LRRC28: variants seen among roughly 807,000 people sequenced by gnomAD.
The protein encoded by LRRC28 is leucine rich repeat containing 28.
A neutral mutation model predicts 45.7 loss-of-function variants in LRRC28; 39 were observed. The ratio of observed to expected loss-of-function variants is 0.85; its 90% CI spans 0.66 to 1.12. The LOEUF (loss-of-function observed/expected upper bound fraction) is 1.12. Among genes scored for constraint, LRRC28 ranks in the 50% most tolerant of loss-of-function variants. The pLI is 0.00. For missense variants in LRRC28, 435 were observed against 438.5 expected, an observed-to-expected ratio of 0.99 and a Z score of 0.07; for synonymous variants, 206 against 178.8, an observed-to-expected ratio of 1.15 and a Z score of -1.22.
chr15:99,365,743 AT>A (rs953282255), intron 9 of LRRC28, among the ~76,000 whole-genome samples: 1 of 152,250 alleles, frequency 6.6e-6, no homozygotes, highest in African/African-American at 2.4e-5. Context: ...CATATTGAAT[AT>A]TCTTCTAAAA....
At chr15:99,268,468 A>G (rs923497352) in intron 2 of LRRC28, among the ~76,000 whole-genome samples, 17 of 152,056 alleles carry the variant, frequency 1.1e-4, no homozygotes, top group African/African-American at 3.9e-4. Context: ...TTTGCAAGCA[A>G]AAGACTCAAA....
intron 7 of LRRC28, among the ~76,000 whole-genome samples, chr15:99,358,730 AAAG>A (rs1214752026): frequency 3.9e-5 from 6 of 152,200 alleles, no homozygotes; most frequent in Admixed American, 2.0e-4. Context: ...TTGGAAAAAA[AAAG>A]CTATGTCCTA....
chr15:99,265,394 C>T (rs933090387), intron 2 of LRRC28, among the ~76,000 whole-genome samples: 2 of 152,078 alleles, frequency 1.3e-5, no homozygotes, highest in African/African-American at 4.8e-5. Flanking sequence ...CCAAAGTACC[C>T]ATTGATGTTG....
intron 2 of LRRC28, chr15:99,259,767 T>C (rs150979310): frequency 1.5e-6 from 2 of 1,346,320 alleles, no homozygotes; most frequent in Non-Finnish European, 1.1e-6. Flanking sequence ...GTGGTTTTGT[T>C]TGAAACAGCA....
chr15:99,333,922 G>C lies in LRRC28; in HGVS notation c.386-1G>C. ...TATCCTAATTTTGATTTTGGTTGTA[G>C]AGGTTGGCGATTTGAAGGAGCTGCA... On this transcript the variant is annotated splice_acceptor_variant, in intron 5 of 9. Transcript: ENST00000301981. LOFTEE classifies it high-confidence loss of function. 1 of 1,613,922 alleles carries C rather than the reference G, an allele frequency of 6.2e-7. No individual in the cohort carries two copies. The highest frequency in any genetic ancestry group is 8.5e-7 in the Non-Finnish European group (1 of 1,179,870).
chr15:99,274,751 G>A (rs1281739422), intron 2 of LRRC28, among the ~76,000 whole-genome samples: 11 of 152,158 alleles, frequency 7.2e-5, no homozygotes, highest in African/African-American at 1.7e-4. Context: ...AGATTTCTTC[G>A]GGAGTGCTGT....
intron 9 of LRRC28, among the ~76,000 whole-genome samples, chr15:99,369,830 A>G (rs1357288032): frequency 1.3e-5 from 2 of 152,186 alleles, no homozygotes; most frequent in South Asian, 2.1e-4. Context: ...TAGGCCGGTA[A>G]CCCAATGGTT....
chr15:99,284,083 T>C (rs553036351), intron 3 of LRRC28, among the ~76,000 whole-genome samples: 5 of 152,336 alleles, frequency 3.3e-5, no homozygotes, highest in Admixed American at 6.5e-5. Flanking sequence ...TTCTCCATAG[T>C]CACATGGCTA....
In LRRC28 at chr15:99,387,451, C is replaced by T. The variant is rs570947329; in HGVS notation, c.*1349C>T. The T allele has an allele frequency of 6.6e-6, 1 of 152,252 alleles. No homozygotes were observed. The highest frequency in any genetic ancestry group is 1.9e-4 in the East Asian group (1 of 5,174). The allele number at this position is 152,252 out of a possible 1,614,324, so 9.4% of individuals were successfully genotyped here. The stretch of plus-strand genomic sequence containing the variant: ...ACCACACTGTCTTCATGTTGGCCCT[C>T]GTTTCTTGTATACTTAGCTTACTGC... On this transcript the variant is annotated 3_prime_UTR_variant, in exon 10 of 10. Coordinates refer to ENST00000301981, the MANE Select transcript of LRRC28 (RefSeq NM_144598.5).
intron 5 of LRRC28, among the ~76,000 whole-genome samples, chr15:99,309,536 G>A (rs990180243): frequency 1.5e-4 from 23 of 152,152 alleles, no homozygotes; most frequent in Admixed American, 5.2e-4. Flanking sequence ...AGCCTCCTGA[G>A]TAGCTGGGAT....
Position 99,390,244 on chromosome 15 carries a change from C to G in LRRC28, c.*4142C>G, listed in dbSNP as rs574541085. 6.6e-6 allele frequency: 1 copy of G among 152,354 alleles called. No individual in the cohort carries two copies. The highest frequency in any genetic ancestry group is 2.4e-5 in the African/African-American group (1 of 41,580). 9.4% of individuals were successfully genotyped at this position (152,354 alleles called of 1,614,324 possible). On this transcript the variant is annotated 3_prime_UTR_variant, in exon 10 of 10. Coordinates refer to ENST00000301981, the MANE Select transcript of LRRC28 (RefSeq NM_144598.5). ...GAATTGATCATAGCCAAGTGACTGA[C>G]ATTCTCTCGGTCAGGAAAAGAGCTT...
intron 9 of LRRC28, among the ~76,000 whole-genome samples, chr15:99,367,965 A>G (rs1181692812): frequency 6.6e-6 from 1 of 152,078 alleles, no homozygotes; most frequent in African/African-American, 2.4e-5. Context: ...TCCTGAAGCT[A>G]CCCAGGGATT....
chr15:99,298,042 A>T (rs2082310402), intron 5 of LRRC28, among the ~76,000 whole-genome samples: 1 of 152,114 alleles, frequency 6.6e-6, no homozygotes, highest in South Asian at 2.1e-4. Flanking sequence ...TCATTGCTAC[A>T]ATACTTTTAA....
intron 9 of LRRC28, among the ~76,000 whole-genome samples, chr15:99,374,976 C>G (rs1957586159): frequency 6.6e-6 from 1 of 152,078 alleles, no homozygotes. Flanking sequence ...TGCCTTGTTC[C>G]CAGTCTTAAA....
chr15:99,300,850 G>A (rs1597285102), intron 5 of LRRC28, among the ~76,000 whole-genome samples: 1 of 152,060 alleles, frequency 6.6e-6, no homozygotes, highest in African/African-American at 2.4e-5. Flanking sequence ...AATAAAAAGT[G>A]TGCACAGTTA....
Position 99,287,852 on chromosome 15 carries a change from AG to A in LRRC28, c.287del (p.Ser96MetfsTer5), listed in dbSNP as rs770028922. 5 of 1,613,544 alleles carry A rather than the reference AG, an allele frequency of 3.1e-6. No individual in the cohort carries two copies. In the South Asian group the frequency reaches 5.5e-5, roughly 18 times the overall value. ...SLVKLQCLDL[S>X]DNALEIVCPE... ...TGTAAAACTCCAATGTCTGGATCTT[AG>A]TGACAATGCCTTAGAAATTGTTTGC... On this transcript the variant is annotated frameshift_variant, in exon 5 of 10. Coordinates refer to ENST00000301981, the MANE Select transcript of LRRC28 (RefSeq NM_144598.5). LOFTEE classifies it high-confidence loss of function.
intron 7 of LRRC28, among the ~76,000 whole-genome samples, chr15:99,359,196 A>G (rs1271898590): frequency 6.6e-6 from 1 of 152,200 alleles, no homozygotes; most frequent in Non-Finnish European, 1.5e-5. Flanking sequence ...TGTAGATACC[A>G]TGAAGGAAAT....
intron 2 of LRRC28, among the ~76,000 whole-genome samples, chr15:99,265,225 G>A (rs1044671050): frequency 1.2e-4 from 18 of 152,218 alleles, no homozygotes; most frequent in African/African-American, 4.3e-4. Flanking sequence ...AAGGTAGACT[G>A]TGGCATTCAT....
chr15:99,298,208 A>G (rs2082314674), intron 5 of LRRC28, among the ~76,000 whole-genome samples: 1 of 152,200 alleles, frequency 6.6e-6, no homozygotes, highest in South Asian at 2.1e-4. Flanking sequence ...ATCCAAATTC[A>G]CTTCACATGC....
Sources: allele counts gnomAD v4.1 joint callset (sites outside exome capture counted in the v4.1 genomes callset), GRCh38; gene constraint gnomAD v4.1.1; transcripts MANE v1.5; gene names NCBI Gene and HGNC (gene_info 2026-07-23, HGNC 2026-07-21).